Variants in CNBD2 observed in about 807,000 individuals in gnomAD.
The protein encoded by CNBD2 is cyclic nucleotide binding domain containing 2.
CNBD2 carries 64 observed loss-of-function variants against 63.7 expected under a neutral mutation model. The observed-to-expected ratio is 1.00, with a 90% CI of 0.82 to 1.24. CNBD2 has a LOEUF of 1.24. Among genes scored for constraint, CNBD2 ranks in the 50% most tolerant of loss-of-function variants. The pLI, the probability that CNBD2 is intolerant of heterozygous loss-of-function variation, is 0.00. For synonymous variants in CNBD2, 229 were observed against 255.4 expected (o/e 0.90, Z 0.99); for missense variants, 691 against 713.5 (o/e 0.97, Z 0.36).
chr20:35,978,690 C>T (rs2056556862), intron 3 of CNBD2, among the ~76,000 whole-genome samples: 1 of 152,100 alleles, frequency 6.6e-6, no homozygotes, highest in Admixed American at 6.6e-5. Flanking sequence ...GAGGGTCTTG[C>T]CATATTGCCC....
chr20:35,954,447 C>G, upstream of CNBD2: 5 of 1,549,242 alleles, frequency 3.2e-6, no homozygotes, highest in Non-Finnish European at 4.4e-6. Context: ...GCGGAGCTTA[C>G]CTGCACCAGC....
intron 2 of CNBD2, among the ~76,000 whole-genome samples, chr20:35,962,743 T>C (rs913474737): frequency 2.0e-5 from 3 of 152,344 alleles, no homozygotes; most frequent in Non-Finnish European, 4.4e-5. Context: ...CAGAATGATA[T>C]GTTATTTTTA....
At position 36,028,685 on chromosome 20, in the gene CNBD2, G is replaced by GTTTTTTTTTTT. The variant is rs148778050; in HGVS notation, c.1440-1664_1440-1663insTTTTTTTTTTT. Among the ~76,000 whole-genome samples, 24 of 140,138 alleles carry GTTTTTTTTTTT rather than the reference G, an allele frequency of 1.7e-4. 1 individual carries two copies. Among genetic ancestry groups the GTTTTTTTTTTT allele is most frequent in the African/African-American group, 3.7e-4 (12 of 32,786 alleles). 91.9% of individuals were successfully genotyped at this position (140,138 alleles called of 152,430 possible). ...GAGGGCTTAAGGGCGTCACGGGCTGGTTTTTTTTGGGACGGAGTCTCACTC... is the reference window on the plus strand; with the variant it reads ...GAGGGCTTAAGGGCGTCACGGGCTGGTTTTTTTTTTTTTTTTTTTGGGACGGAGTCTCACTC... On this transcript the variant is annotated intron_variant, in intron 11 of 11. Coordinates refer to ENST00000373973, the MANE Select transcript of CNBD2 (RefSeq NM_001365709.1).
intron 7 of CNBD2, among the ~76,000 whole-genome samples, chr20:35,989,656 T>C (rs1323916617): frequency 6.6e-6 from 1 of 152,138 alleles, no homozygotes; most frequent in Non-Finnish European, 1.5e-5. Context: ...GGAATTTTGG[T>C]AAACATAGTA....
At chr20:35,985,487 C>CTT (rs376746279) in intron 6 of CNBD2, among the ~76,000 whole-genome samples, 1,842 of 134,148 alleles carry the variant, frequency 0.014, 31 homozygotes, top group African/African-American at 0.036. Context: ...ACTATAATTC[C>CTT]TTTTTTTTTT....
chr20:35,980,565 A>G lies in CNBD2; in HGVS notation c.350A>G (p.Tyr117Cys), dbSNP rs567218290. 134 of 1,614,116 alleles carry G rather than the reference A, an allele frequency of 8.3e-5. 1 individual carries two copies. In the South Asian group the frequency reaches 1.4e-3, roughly 17 times the overall value. The change falls in exon 4 of 12, where the codon TAT becomes TGT. Residue 117 changes from tyrosine (Y) to cysteine (C), a missense_variant. Tyr to Cys is a radical substitution (Grantham distance 194, BLOSUM62 -2). Transcript: ENST00000373973. Reference sequence around the variant, plus strand: ...AACATCTTGCAGGTTCTGGATAGCTATCGGAACTACGCAGAGCCCCTGCAG... The same window carrying G: ...AACATCTTGCAGGTTCTGGATAGCTGTCGGAACTACGCAGAGCCCCTGCAG... The part of the protein sequence containing the change: ...VCNILQVLDS[Y>C]RNYAEPLQLL...
intron 7 of CNBD2, among the ~76,000 whole-genome samples, chr20:35,989,860 A>AGAGAGG (rs936753380): frequency 9.0e-6 from 1 of 110,558 alleles, no homozygotes; most frequent in South Asian, 4.5e-4. Context: ...AAGACAGATG[A>AGAGAGG]GAGAGGGAGA....
Position 36,030,689 on chromosome 20 carries a change from T to A in CNBD2, c.*41T>A. 1 of 1,601,290 alleles carries A rather than the reference T, an allele frequency of 6.2e-7. No homozygotes were observed. On this transcript the variant is annotated 3_prime_UTR_variant, in exon 12 of 12. Coordinates refer to ENST00000373973, the MANE Select transcript of CNBD2 (RefSeq NM_001365709.1). ...GTCCTTATTTAGGACAAATAAAGGA[T>A]GGTGGATTGGGCGCTGTGCTTTCTG...
chr20:35,955,595 A>G (rs1010867474), downstream of CNBD2, among the ~76,000 whole-genome samples: 12 of 152,078 alleles, frequency 7.9e-5, no homozygotes, highest in African/African-American at 2.4e-4. Flanking sequence ...TATTAGGTAA[A>G]CTGCTTGCTA....
At chr20:36,006,643 C>T (rs6141584) in intron 8 of CNBD2, among the ~76,000 whole-genome samples, 20 of 152,174 alleles carry the variant, frequency 1.3e-4, no homozygotes, top group Admixed American at 1.3e-3. Context: ...TCTCGAACTC[C>T]TGAGCTCAAG....
At chr20:35,954,967 G>A (rs2056238329) in exon 1 of CNBD2, 1 of 207,684 alleles carries the variant, frequency 4.8e-6, no homozygotes, top group Non-Finnish European at 1.1e-5. Flanking sequence ...AACTAGGAGG[G>A]CGATAGCACC....
chr20:35,957,413 CCT>C (rs2056267868), downstream of CNBD2, among the ~76,000 whole-genome samples: 2 of 151,640 alleles, frequency 1.3e-5, no homozygotes. Flanking sequence ...ATGATGAAAC[CCT>C]GTCTCTACTA....
Position 36,008,456 on chromosome 20 carries a change from T to C in CNBD2, c.1130T>C (p.Met377Thr). ...IRTSGDTLPK[M>T]LGPKIQSRPA... ...ACCTCAGGAGACACTCTCCCCAAGATGCTGGGCCCGAAGATCCAGTAAGCT... is the reference window on the plus strand; with the variant it reads ...ACCTCAGGAGACACTCTCCCCAAGACGCTGGGCCCGAAGATCCAGTAAGCT... The change falls in exon 9 of 12, where the codon ATG (methionine) becomes ACG (threonine). Residue 377 changes from methionine to threonine, a missense_variant. Met to Thr is a moderately conservative substitution (Grantham distance 81, BLOSUM62 -1). Coordinates refer to ENST00000373973, the MANE Select transcript of CNBD2 (RefSeq NM_001365709.1). 6.2e-7 allele frequency: 1 copy of C among 1,611,234 alleles called. No homozygotes were observed. Among genetic ancestry groups the C allele is most frequent in the Non-Finnish European group, 8.5e-7 (1 of 1,179,298 alleles).
At position 36,011,216 on chromosome 20, in the gene CNBD2, GCC is replaced by G; in HGVS notation, c.1229_1230del (p.Ala410ValfsTer24). 1.3e-6 allele frequency: 2 copies of G among 1,594,316 alleles called. No individual in the cohort carries two copies. The highest frequency in any genetic ancestry group is 2.3e-5 in the South Asian group (2 of 87,962). On this transcript the variant is annotated frameshift_variant, in exon 10 of 12. Transcript: ENST00000373973. LOFTEE classifies it high-confidence loss of function. ...GELPKEAAVG[A>X]YVKVHTVEQG... ...GCTCCCCAAGGAGGCTGCAGTGGGG[GCC>G]TACGTGAAGGTGCACACTGTGGAGC...
chr20:35,978,334 C>T (rs1387912940), intron 3 of CNBD2, among the ~76,000 whole-genome samples: 4 of 151,470 alleles, frequency 2.6e-5, no homozygotes, highest in Non-Finnish European at 4.4e-5. Context: ...TGTGCCACTA[C>T]GCCTGGCTAA....
At chr20:35,956,571 T>C (rs373036195), downstream of CNBD2, among the ~76,000 whole-genome samples, 7 of 152,370 alleles carry the variant, frequency 4.6e-5, no homozygotes, top group African/African-American at 1.7e-4. Context: ...TATTTTTCTC[T>C]CTTTTCTTTT....
chr20:35,977,632 T>C (rs1034922075), intron 3 of CNBD2, among the ~76,000 whole-genome samples: 1 of 152,188 alleles, frequency 6.6e-6, no homozygotes, highest in Non-Finnish European at 1.5e-5. Flanking sequence ...GAGCTATGAC[T>C]GTGCCACTGC....
In CNBD2 at chr20:35,968,656, G is replaced by A. The variant is rs1047859616; in HGVS notation, c.-107G>A. 11 of 780,882 alleles carry A rather than the reference G, an allele frequency of 1.4e-5. No homozygotes were observed. Among genetic ancestry groups the A allele is most frequent in the Non-Finnish European group, 1.9e-5 (9 of 466,016 alleles). 48.4% of individuals were successfully genotyped at this position (780,882 alleles called of 1,614,324 possible). On this transcript the variant is annotated 5_prime_UTR_variant, in exon 1 of 12. Coordinates refer to ENST00000373973, the MANE Select transcript of CNBD2 (RefSeq NM_001365709.1). ...GGAGTGGAGCTCTTGCCTTGTTACT[G>A]AGGAAATCTATTTGTTTCTAGTATT...
upstream of CNBD2, chr20:35,954,562 C>T (rs767349930): frequency 4.7e-5 from 70 of 1,480,354 alleles, no homozygotes; most frequent in African/African-American, 7.8e-4. Context: ...GCGGCGCCCT[C>T]TAGCGTTCTC....
Sources: allele counts gnomAD v4.1 joint callset (sites outside exome capture counted in the v4.1 genomes callset), GRCh38; gene constraint gnomAD v4.1.1; transcripts MANE v1.5; gene names NCBI Gene and HGNC (gene_info 2026-07-23, HGNC 2026-07-21).